The following NFYC variants were observed in gnomAD, a reference collection of about 807,000 sequenced individuals.
The protein encoded by NFYC is nuclear transcription factor Y subunit gamma.
In NFYC, 25 loss-of-function variants were observed where a neutral mutation model predicts 53.1. The ratio of observed to expected loss-of-function variants is 0.47; its 90% CI spans 0.34 to 0.66. The LOEUF (loss-of-function observed/expected upper bound fraction) is 0.66, where lower values mean the gene tolerates loss of function less well. Among genes scored for constraint, NFYC ranks in the 30% least tolerant of loss-of-function variants. The probability of loss-of-function intolerance (pLI) is 0.01; values close to 1 mark genes in which losing one functional copy is unlikely to be tolerated. For synonymous variants in NFYC, 145 were observed against 152.6 expected, an observed-to-expected ratio of 0.95 and a Z score of 0.37; for missense variants, 260 against 422.7, an observed-to-expected ratio of 0.62 and a Z score of 3.38.
In NFYC at chr1:40,719,723, G is replaced by A. The variant is rs78112629; in HGVS notation, c.-8-19113G>A. Among the ~76,000 whole-genome samples, 126 of 152,264 alleles carry A rather than the reference G, an allele frequency of 8.3e-4. No individual in the cohort carries two copies. The East Asian group carries it at 0.022, about 26-fold the overall frequency. ...GGATTTGTGTTCCAGGCTGAGAAAA[G>A]CTATAGGTTCTTAAGTTTTGTGTTT... On this transcript the variant is annotated intron_variant, in intron 1 of 9. Coordinates refer to ENST00000447388, the MANE Select transcript of NFYC (RefSeq NM_014223.5).
intron 1 of NFYC, among the ~76,000 whole-genome samples, chr1:40,736,982 C>T (rs1645061052): frequency 6.6e-6 from 1 of 151,814 alleles, no homozygotes; most frequent in Middle Eastern, 3.2e-3. Context: ...AAAAAATTAG[C>T]TAGGCGTGGT....
At chr1:40,728,960 G>C (rs895465155) in intron 1 of NFYC, among the ~76,000 whole-genome samples, 2 of 152,116 alleles carry the variant, frequency 1.3e-5, no homozygotes, top group South Asian at 4.1e-4. Flanking sequence ...TGGATGACCA[G>C]GTATATTGTT....
chr1:40,753,097 A>G, intron 4 of NFYC, 54 bp from the exon 5 acceptor site: 2 of 1,338,454 alleles, frequency 1.5e-6, no homozygotes, highest in South Asian at 1.2e-5. Flanking sequence ...TATAAAGCCA[A>G]GTGAACTAGT....
chr1:40,748,721 T>G lies in NFYC; in HGVS notation c.178-852T>G, dbSNP rs545900198. Among the ~76,000 whole-genome samples, 25 of 152,186 alleles carry G rather than the reference T, an allele frequency of 1.6e-4. No individual in the cohort carries two copies. The South Asian group carries it at 5.0e-3, about 30-fold the overall frequency. On this transcript the variant is annotated intron_variant, in intron 3 of 9. Coordinates refer to ENST00000447388, the MANE Select transcript of NFYC (RefSeq NM_014223.5). ...ACTCTGTCTCTTTACCACTCAAAAT[T>G]AATAGTCTTTTGTATTTTCACAGAA...
At chr1:40,731,349 A>G (rs1358897021) in intron 1 of NFYC, among the ~76,000 whole-genome samples, 1 of 150,300 alleles carries the variant, frequency 6.7e-6, no homozygotes, top group African/African-American at 2.5e-5. Flanking sequence ...TAATTTTTGT[A>G]TTTTTAGTAG....
chr1:40,700,043 C>G (rs186394474), intron 1 of NFYC, among the ~76,000 whole-genome samples: 1 of 151,976 alleles, frequency 6.6e-6, no homozygotes, highest in East Asian at 1.9e-4. Context: ...GTAGTGGAGC[C>G]CAGTTGAGCA....
In NFYC at chr1:40,735,463, A is replaced by G. The variant is rs79562827; in HGVS notation, c.-8-3373A>G. 9.9e-3 allele frequency: 3,127 copies of G among 315,816 alleles called. 100 individuals carry two copies. The highest frequency in any genetic ancestry group is 0.065 in the African/African-American group (2,890 of 44,780). The allele number at this position is 315,816 out of a possible 1,614,324, so 19.6% of individuals were successfully genotyped here. ...GGGCTGATCATGCCTGCACATCTGTAGTTGGGACAGTTCAAAATTTAAAAG... is the reference window on the plus strand; with the variant it reads ...GGGCTGATCATGCCTGCACATCTGTGGTTGGGACAGTTCAAAATTTAAAAG... On this transcript the variant is annotated intron_variant, in intron 1 of 9. Coordinates refer to ENST00000447388, the MANE Select transcript of NFYC (RefSeq NM_014223.5).
At chr1:40,744,107 A>C (rs1440747772) in intron 2 of NFYC, among the ~76,000 whole-genome samples, 1 of 152,150 alleles carries the variant, frequency 6.6e-6, no homozygotes, top group Non-Finnish European at 1.5e-5. Flanking sequence ...GCCAGTAAGC[A>C]AGCATTACTG....
In NFYC at chr1:40,757,907, G is replaced by C. The variant is rs914684466; in HGVS notation, c.388-214G>C. On this transcript the variant is annotated intron_variant, in intron 5 of 9. Transcript: ENST00000447388. ...TTATTTCGTACTTCAGAAATTGGCT[G>C]TATGTTTTGTGAAGCCTATAGGATC... The C allele has an allele frequency of 6.7e-6, 4 of 596,090 alleles. No individual in the cohort carries two copies. The Admixed American group carries it at 9.2e-5, about 14-fold the overall frequency. The allele number at this position is 596,090 out of a possible 1,614,324, so 36.9% of individuals were successfully genotyped here. A position where few individuals can be genotyped will look rare whatever the true frequency, so the allele number is the denominator to read the frequency against.
chr1:40,696,285 AGTG>A (rs1369740290), intron 1 of NFYC, among the ~76,000 whole-genome samples: 1 of 152,194 alleles, frequency 6.6e-6, no homozygotes, highest in African/African-American at 2.4e-5. Context: ...GGCCTCCTGA[AGTG>A]GTGGGATTAC....
intron 1 of NFYC, among the ~76,000 whole-genome samples, chr1:40,717,374 G>GT (rs1318081190): frequency 1.3e-5 from 2 of 151,990 alleles, no homozygotes; most frequent in African/African-American, 4.8e-5. Flanking sequence ...TACTTGCTTG[G>GT]TTTTTTAGTA....
chr1:40,742,376 T>C (rs575426793), intron 2 of NFYC, among the ~76,000 whole-genome samples: 2 of 152,368 alleles, frequency 1.3e-5, no homozygotes, highest in South Asian at 4.1e-4. Flanking sequence ...TTCAAGACCC[T>C]GGGCTTTGAT....
intron 3 of NFYC, 77 bp from the exon 4 acceptor site, chr1:40,749,496 C>A: frequency 2.7e-6 from 3 of 1,130,984 alleles, no homozygotes; most frequent in Non-Finnish European, 4.0e-6. Flanking sequence ...TAGTCCCATG[C>A]CAGGCAATGA....
At chr1:40,709,018 C>G (rs1056947228) in intron 1 of NFYC, among the ~76,000 whole-genome samples, 1 of 152,174 alleles carries the variant, frequency 6.6e-6, no homozygotes, top group Non-Finnish European at 1.5e-5. Context: ...CACTAACAAC[C>G]CTTTGGCTTG....
intron 5 of NFYC, among the ~76,000 whole-genome samples, chr1:40,755,937 G>T (rs1165663412): frequency 2.0e-5 from 3 of 152,170 alleles, no homozygotes; most frequent in Non-Finnish European, 4.4e-5. Flanking sequence ...TAGATCAGCT[G>T]TAGTTGGGGA....
chr1:40,729,984 G>C (rs1015511210), intron 1 of NFYC, among the ~76,000 whole-genome samples: 1 of 151,714 alleles, frequency 6.6e-6, no homozygotes, highest in Non-Finnish European at 1.5e-5. Flanking sequence ...CCCCATATCA[G>C]CTTTTGATGT....
At chr1:40,746,763 G>A (rs1271411037) in intron 2 of NFYC, among the ~76,000 whole-genome samples, 4 of 152,124 alleles carry the variant, frequency 2.6e-5, no homozygotes, top group Non-Finnish European at 5.9e-5. Context: ...AAGGGCTTAA[G>A]TCTCAAATTA....
chr1:40,720,307 T>C (rs996461127), intron 1 of NFYC, among the ~76,000 whole-genome samples: 4 of 152,208 alleles, frequency 2.6e-5, no homozygotes, highest in Admixed American at 2.6e-4. Flanking sequence ...TTGACAATTT[T>C]CTGCCTTCCC....
intron 1 of NFYC, among the ~76,000 whole-genome samples, chr1:40,720,899 G>A (rs1402795306): frequency 6.6e-6 from 1 of 152,024 alleles, no homozygotes; most frequent in Admixed American, 6.5e-5. Flanking sequence ...AGTTCTTGAG[G>A]AACCTGTGTT....
Sources: allele counts gnomAD v4.1 joint callset (sites outside exome capture counted in the v4.1 genomes callset), GRCh38; gene constraint gnomAD v4.1.1; transcripts MANE v1.5; gene names NCBI Gene and HGNC (gene_info 2026-07-23, HGNC 2026-07-21).